EML6: variants seen among roughly 807,000 people sequenced by gnomAD.
EML6 encodes the protein EMAP like 6.
Under a neutral mutation model 240.1 loss-of-function variants are expected in EML6, and 154 were observed. That is an observed-to-expected ratio of 0.64 (90% CI 0.56 to 0.73). The LOEUF is 0.73. Among genes scored for constraint, EML6 ranks in the 30% least tolerant of loss-of-function variants. The pLI is 0.00. For missense variants in EML6, 2,964 were observed against 2,474.6 expected, an observed-to-expected ratio of 1.20 and a Z score of -4.20; for synonymous variants, 1,148 against 899.0, an observed-to-expected ratio of 1.28 and a Z score of -4.95.
At chr2:54,855,103 A>G (rs1670302039) in intron 11 of EML6, among the ~76,000 whole-genome samples, 2 of 152,288 alleles carry the variant, frequency 1.3e-5, no homozygotes, top group South Asian at 2.1e-4. Context: ...AAAAGAAAGC[A>G]TGTGTTAGTC....
chr2:54,930,963 T>TC (rs1344820030), intron 28 of EML6, among the ~76,000 whole-genome samples: 6 of 144,796 alleles, frequency 4.1e-5, no homozygotes, highest in African/African-American at 1.5e-4. Flanking sequence ...CTTTTTTTTT[T>TC]TTTTTTTTTT....
intron 2 of EML6, among the ~76,000 whole-genome samples, chr2:54,746,362 C>G (rs1683911528): frequency 6.6e-6 from 1 of 152,214 alleles, no homozygotes; most frequent in African/African-American, 2.4e-5. Context: ...GAGGACATAT[C>G]TGCTTTGATG....
chr2:54,919,281 G>A (rs146616566), intron 26 of EML6, among the ~76,000 whole-genome samples: 2 of 126,842 alleles, frequency 1.6e-5, no homozygotes, highest in African/African-American at 6.4e-5. Context: ...CTTATTTTTT[G>A]TCTTTAGCAT....
In EML6 at chr2:54,903,093, C is replaced by T; in HGVS notation, c.3174C>T (p.Gly1058=). 1 of 1,551,778 alleles carries T rather than the reference C, an allele frequency of 6.4e-7. No individual in the cohort carries two copies. Among genetic ancestry groups the T allele is most frequent in the Non-Finnish European group, 8.7e-7 (1 of 1,146,974 alleles). The stretch of plus-strand genomic sequence containing the variant: ...CTGATGGGAAAGCCTTAGCGGTTGG[C>T]TTGAACGATGGGAGTTTCCTGGTGG... ...FSPDGKALAV[G]LNDGSFLVVN... is the part of the protein sequence containing the mutation. Residue 1058 remains glycine (G), a synonymous_variant, in exon 23 of 42, where the codon GGC becomes GGT. Coordinates refer to ENST00000356458, the MANE Select transcript of EML6 (RefSeq NM_001039753.4).
At chr2:54,880,158 T>G (rs532473215) in intron 17 of EML6, 1 of 153,596 alleles carries the variant, frequency 6.5e-6, no homozygotes, top group Non-Finnish European at 1.4e-5. Flanking sequence ...GACTGCTGTT[T>G]ATAGACCACC....
chr2:54,833,707 C>T (rs370594497), intron 7 of EML6, among the ~76,000 whole-genome samples: 51 of 152,248 alleles, frequency 3.3e-4, no homozygotes, highest in Non-Finnish European at 6.0e-4. Flanking sequence ...TTATTTGCAC[C>T]GGTGACTTGT....
chr2:54,794,604 T>C (rs537635547), intron 2 of EML6, among the ~76,000 whole-genome samples: 10 of 152,138 alleles, frequency 6.6e-5, no homozygotes, highest in African/African-American at 1.9e-4. Context: ...TAATGTTTTT[T>C]CTAGGAAAAC....
rs1038927759 is a variant in EML6, at chr2:54,970,515, T to G, written c.*420T>G. ...TATATACTTCAAGAATGTTCATTTT[T>G]ACAAATAAGTTGAACAAGACAGCCT... On this transcript the variant is annotated 3_prime_UTR_variant, in exon 42 of 42. Coordinates refer to ENST00000356458, the MANE Select transcript of EML6 (RefSeq NM_001039753.4). The G allele has an allele frequency of 5.8e-6, 1 of 173,570 alleles. No individual in the cohort carries two copies. The highest frequency in any genetic ancestry group is 1.2e-5 in the Non-Finnish European group (1 of 80,374). 10.8% of individuals were successfully genotyped at this position (173,570 alleles called of 1,614,324 possible). A position where few individuals can be genotyped will look rare whatever the true frequency, so the allele number is the denominator to read the frequency against.
chr2:54,889,144 G>C (rs1387780071), intron 17 of EML6, among the ~76,000 whole-genome samples: 1 of 151,962 alleles, frequency 6.6e-6, no homozygotes, highest in Non-Finnish European at 1.5e-5. Context: ...TTTCTGTTTT[G>C]CCATTTGTCA....
chr2:54,895,140 G>C, intron 20 of EML6, 114 bp downstream of exon 20: 1 of 1,316,578 alleles, frequency 7.6e-7, no homozygotes, highest in Non-Finnish European at 1.1e-6. Context: ...TCCATGTTTA[G>C]AACTCTCTTC....
intron 38 of EML6, among the ~76,000 whole-genome samples, chr2:54,965,739 A>T (rs1283656002): frequency 6.6e-6 from 1 of 152,218 alleles, no homozygotes; most frequent in Non-Finnish European, 1.5e-5. Flanking sequence ...TGATCCATCA[A>T]GTGCACGGTC....
intron 35 of EML6, among the ~76,000 whole-genome samples, chr2:54,960,987 G>T (rs1321515340): frequency 6.6e-6 from 1 of 151,786 alleles, no homozygotes; most frequent in African/African-American, 2.4e-5. Context: ...TGAATACCTT[G>T]TGTTTGTTTT....
chr2:54,967,156 T>TGAC, intron 39 of EML6, 53 bp downstream of exon 39: 3 of 1,206,906 alleles, frequency 2.5e-6, no homozygotes, highest in African/African-American at 1.5e-5. Context: ...GAGTCTCTTG[T>TGAC]CTCACTCAGG....
chr2:54,794,977 C>T (rs910922313), intron 2 of EML6, among the ~76,000 whole-genome samples: 5 of 152,254 alleles, frequency 3.3e-5, no homozygotes, highest in Middle Eastern at 3.4e-3. Flanking sequence ...TAGGTCCCAC[C>T]GACCCAGCCT....
intron 11 of EML6, among the ~76,000 whole-genome samples, chr2:54,854,512 A>G (rs1205452193): frequency 6.6e-6 from 1 of 152,252 alleles, no homozygotes; most frequent in Non-Finnish European, 1.5e-5. Flanking sequence ...GGCAAAGCCC[A>G]TATTCAGGCT....
intron 11 of EML6, among the ~76,000 whole-genome samples, chr2:54,857,696 T>C (rs1573013623): frequency 6.6e-6 from 1 of 152,308 alleles, no homozygotes; most frequent in Middle Eastern, 3.4e-3. Flanking sequence ...TCATTTGACT[T>C]AGAACCTGAA....
At chr2:54,892,151 A>G (rs959136386) in intron 18 of EML6, among the ~76,000 whole-genome samples, 2 of 152,158 alleles carry the variant, frequency 1.3e-5, no homozygotes, top group African/African-American at 4.8e-5. Flanking sequence ...ACTGAGATGC[A>G]TATTGATTGC....
intron 5 of EML6, 36 bp downstream of exon 5, chr2:54,820,498 G>C (rs1668282514): frequency 2.4e-6 from 3 of 1,251,176 alleles, no homozygotes; most frequent in Non-Finnish European, 3.4e-6. Flanking sequence ...GGTACCTTGA[G>C]TGCAAATAAT....
chr2:54,887,885 T>A (rs1324942207), intron 17 of EML6, among the ~76,000 whole-genome samples: 1 of 152,206 alleles, frequency 6.6e-6, no homozygotes, highest in Non-Finnish European at 1.5e-5. Flanking sequence ...GACGGTACAT[T>A]TGTTACAATT....
Sources: gnomAD v4.1 joint callset for allele counts (sites outside exome capture counted in the v4.1 genomes callset) on GRCh38, gnomAD v4.1.1 for gene constraint, MANE v1.5 for transcripts, NCBI Gene and HGNC (gene_info 2026-07-23, HGNC 2026-07-21) for gene names.